The following RELN variants were observed in gnomAD, a reference collection of about 807,000 sequenced individuals.
The protein encoded by RELN is reelin.
Under a neutral mutation model 427.6 loss-of-function variants are expected in RELN, and 108 were observed. That is an observed-to-expected ratio of 0.25 (90% confidence interval 0.22 to 0.30). The LOEUF (loss-of-function observed/expected upper bound fraction) is 0.30. RELN is among the 10% of genes least tolerant of loss of function. The pLI is 1.00. For missense variants in RELN, 3,715 were observed against 4,302.8 expected, an observed-to-expected ratio of 0.86 and a Z score of 3.82; for synonymous variants, 1,524 against 1,513.4, an observed-to-expected ratio of 1.01 and a Z score of -0.16.
chr7:103,773,230 G>A (rs1429083582), intron 4 of RELN, among the ~76,000 whole-genome samples: 1 of 34,142 alleles, frequency 2.9e-5, no homozygotes, highest in African/African-American at 1.5e-4. Flanking sequence ...TCCCTCCCTC[G>A]CTCCCTCCCT....
chr7:103,498,143 G>A lies in RELN; in HGVS notation c.8777C>T (p.Ala2926Val). 6.2e-7 allele frequency: 1 copy of A among 1,614,068 alleles called. No homozygotes were observed. Among genetic ancestry groups the A allele is most frequent in the Non-Finnish European group, 8.5e-7 (1 of 1,179,980 alleles). Residue 2926 changes from alanine (A) to valine (V), a missense_variant, in exon 54 of 65, where the codon GCA becomes GTA. Around this residue, in one of 4 missense-constraint regions of RELN, gnomAD observed 1,310 missense variants for 1,643.0 expected, o/e 0.80. Coordinates refer to ENST00000428762, the MANE Select transcript of RELN (RefSeq NM_005045.4). Reference sequence around the variant, plus strand: ...CACAGTGGATCCCCCAAAATAGAGTGCAGTGTCCTCGGCAAGAATTCCACA... The same window carrying A: ...CACAGTGGATCCCCCAAAATAGAGTACAGTGTCCTCGGCAAGAATTCCACA... ...TECGILAEDT[A>V]LYFGGSTVRQ...
chr7:103,700,521 A>C (rs1380750616), intron 9 of RELN, among the ~76,000 whole-genome samples: 1 of 152,190 alleles, frequency 6.6e-6, no homozygotes, highest in Non-Finnish European at 1.5e-5. Context: ...ACTCAATATC[A>C]TCACAGACTG....
intron 2 of RELN, among the ~76,000 whole-genome samples, chr7:103,851,078 C>T (rs1440633953): frequency 2.0e-5 from 3 of 152,178 alleles, no homozygotes; most frequent in Non-Finnish European, 1.5e-5. Flanking sequence ...GTGGAACCAA[C>T]CCAAATGCCC....
chr7:103,786,362 T>C (rs1792015034), intron 3 of RELN, among the ~76,000 whole-genome samples: 1 of 151,844 alleles, frequency 6.6e-6, no homozygotes, highest in Admixed American at 6.6e-5. Context: ...TTAATATTTA[T>C]TATAAATAGT....
At chr7:103,726,461 C>T (rs1339685028) in intron 7 of RELN, among the ~76,000 whole-genome samples, 2 of 152,020 alleles carry the variant, frequency 1.3e-5, no homozygotes, top group African/African-American at 4.8e-5. Context: ...GGTTGAAAGG[C>T]TAATCCCACA....
chr7:103,777,333 G>C (rs115763145), intron 3 of RELN, among the ~76,000 whole-genome samples: 1 of 152,052 alleles, frequency 6.6e-6, no homozygotes, highest in Non-Finnish European at 1.5e-5. Flanking sequence ...CCCTTAAAAA[G>C]AATCTTTCTG....
chr7:103,798,413 G>A (rs1023425822), intron 3 of RELN, among the ~76,000 whole-genome samples: 8 of 152,098 alleles, frequency 5.3e-5, no homozygotes, highest in South Asian at 2.1e-4. Context: ...ACCTGTTATC[G>A]TTGGGAAGAC....
intron 2 of RELN, among the ~76,000 whole-genome samples, chr7:103,839,172 T>C (rs1350099164): frequency 1.3e-5 from 2 of 152,188 alleles, no homozygotes; most frequent in East Asian, 1.9e-4. Flanking sequence ...CAACAGTATC[T>C]TACATAATGT....
At chr7:103,682,497 A>C (rs1361601524) in intron 10 of RELN, among the ~76,000 whole-genome samples, 1 of 152,186 alleles carries the variant, frequency 6.6e-6, no homozygotes, top group East Asian at 1.9e-4. Context: ...GAGCTTTGCC[A>C]TCTCTGTCTT....
Position 103,566,303 on chromosome 7 carries a change from G to C in RELN, c.4857C>G (p.Asn1619Lys), listed in dbSNP as rs764325949. Residue 1619 changes from asparagine (N) to lysine (K), a missense_variant, in exon 33 of 65, where the codon AAC (asparagine) becomes AAG (lysine). By Grantham distance (94) the Asn-to-Lys change is moderately conservative. Coordinates refer to ENST00000428762, the MANE Select transcript of RELN (RefSeq NM_005045.4). ...CTTGACCTCCTTGGATTCGATACCA[G>C]TTGGCTTGCAAATCTATAGAGCCAT... ...KFDGSIDLQA[N>K]WYRIQGGQVD... 3.7e-6 allele frequency: 6 copies of C among 1,613,906 alleles called. No homozygotes were observed. The highest frequency in any genetic ancestry group is 5.1e-6 in the Non-Finnish European group (6 of 1,179,966).
chr7:103,868,713 C>A (rs951435909), intron 2 of RELN, among the ~76,000 whole-genome samples: 1 of 152,004 alleles, frequency 6.6e-6, no homozygotes, highest in African/African-American at 2.4e-5. Context: ...GTCTTTCAAA[C>A]GCTTTGCCTT....
intron 6 of RELN, among the ~76,000 whole-genome samples, chr7:103,740,204 G>A (rs927639500): frequency 2.0e-5 from 3 of 152,174 alleles, no homozygotes; most frequent in Non-Finnish European, 2.9e-5. Context: ...GGTAGGAGGA[G>A]GAGAATATAA....
rs1828850685 is a variant in RELN, at chr7:103,496,666, C to A, written c.9053G>T (p.Arg3018Leu). The change falls in exon 56 of 65, where the codon CGA becomes CTA. Residue 3018 changes from arginine (R) to leucine (L), a missense_variant. Transcript: ENST00000428762. ...CACAAAAGGCTGCCACCAGCGAAGT[C>A]GAGTTGTGTTGGTGAGGGCATCTTC... ...LPEDALTNTTRLRWWQPFVIS... is the reference protein window; with the variant it reads ...LPEDALTNTTLLRWWQPFVIS... 1 of 1,614,120 alleles carries A rather than the reference C, an allele frequency of 6.2e-7. No individual in the cohort carries two copies. The highest frequency in any genetic ancestry group is 1.3e-5 in the African/African-American group (1 of 75,030).
At chr7:103,677,467 C>T (rs1833561401) in intron 11 of RELN, among the ~76,000 whole-genome samples, 2 of 143,564 alleles carry the variant, frequency 1.4e-5, no homozygotes, top group South Asian at 2.2e-4. Context: ...AGAACAACAA[C>T]AGTTGTTCTT....
intron 6 of RELN, among the ~76,000 whole-genome samples, chr7:103,743,477 A>C (rs961128756): frequency 6.6e-6 from 1 of 152,198 alleles, no homozygotes; most frequent in Non-Finnish European, 1.5e-5. Context: ...CAAATTGGAT[A>C]AAGACTCAAG....
At chr7:103,909,776 TATAAATA>T (rs1795315244) in intron 2 of RELN, among the ~76,000 whole-genome samples, 1 of 93,548 alleles carries the variant, frequency 1.1e-5, no homozygotes, top group Non-Finnish European at 1.9e-5. Context: ...ATTTAATATA[TATAAATA>T]TATATATTAA....
chr7:103,858,748 C>T (rs1323524060), intron 2 of RELN, among the ~76,000 whole-genome samples: 2 of 152,184 alleles, frequency 1.3e-5, no homozygotes, highest in African/African-American at 4.8e-5. Flanking sequence ...AAAGACGCTT[C>T]CATGGTGTAG....
At chr7:103,637,315 T>G (rs1832603820) in intron 17 of RELN, among the ~76,000 whole-genome samples, 1 of 152,204 alleles carries the variant, frequency 6.6e-6, no homozygotes, top group African/African-American at 2.4e-5. Context: ...AATTGGTATC[T>G]TTTTGAGTGG....
At chr7:103,852,515 G>C (rs547319768) in intron 2 of RELN, among the ~76,000 whole-genome samples, 1 of 152,232 alleles carries the variant, frequency 6.6e-6, no homozygotes, top group African/African-American at 2.4e-5. Flanking sequence ...TATGTAAAGT[G>C]TCTAGCACAT....
Sources: allele counts gnomAD v4.1 joint callset (sites outside exome capture counted in the v4.1 genomes callset), GRCh38; gene constraint gnomAD v4.1.1; regional missense constraint gnomAD v4.1.1; transcripts MANE v1.5; gene names NCBI Gene and HGNC (gene_info 2026-07-23, HGNC 2026-07-21).